Variants in ANO2 observed in about 807,000 individuals in gnomAD.
ANO2 encodes anoctamin-2.
ANO2 carries 101 observed loss-of-function variants against 124.2 expected under a neutral mutation model. The ratio of observed to expected loss-of-function variants is 0.81; its 90% CI spans 0.69 to 0.96. The LOEUF (loss-of-function observed/expected upper bound fraction) is 0.96, where lower values mean the gene tolerates loss of function less well. ANO2 is among the 40% of genes least tolerant of loss of function. The probability of loss-of-function intolerance (pLI) is 0.00; values close to 1 mark genes in which losing one functional copy is unlikely to be tolerated. For synonymous variants in ANO2, 486 were observed against 482.5 expected (o/e 1.01, Z -0.09); for missense variants, 1,293 against 1,274.5 (o/e 1.01, Z -0.22).
chr12:5,574,905 C>T (rs966513750), intron 23 of ANO2, among the ~76,000 whole-genome samples: 1 of 152,182 alleles, frequency 6.6e-6, no homozygotes, highest in Non-Finnish European at 1.5e-5. Flanking sequence ...AATTCAACAA[C>T]CTTTTGGCTT....
chr12:5,583,239 GA>G (rs1565437247), intron 20 of ANO2, among the ~76,000 whole-genome samples: 1 of 152,230 alleles, frequency 6.6e-6, no homozygotes. Context: ...CATGAAGTAT[GA>G]ACACCTCTAC....
intron 4 of ANO2, among the ~76,000 whole-genome samples, chr12:5,846,952 G>T (rs189821603): frequency 1.3e-5 from 2 of 152,280 alleles, no homozygotes; most frequent in Admixed American, 1.3e-4. Context: ...CTAACAAAGA[G>T]GATTATTGAC....
chr12:5,824,013 A>C (rs1953884717), intron 7 of ANO2, among the ~76,000 whole-genome samples: 1 of 152,178 alleles, frequency 6.6e-6, no homozygotes, highest in Admixed American at 6.5e-5. Flanking sequence ...AGCGGCTGGA[A>C]CACAGGGCAG....
At chr12:5,642,937 C>T (rs936016561) in intron 15 of ANO2, among the ~76,000 whole-genome samples, 3 of 152,158 alleles carry the variant, frequency 2.0e-5, no homozygotes, top group Non-Finnish European at 4.4e-5. Context: ...ATGTGGCTGG[C>T]TCCTCCACCT....
chr12:5,839,020 C>T (rs1026013410), intron 4 of ANO2, among the ~76,000 whole-genome samples: 3 of 152,234 alleles, frequency 2.0e-5, no homozygotes, highest in African/African-American at 7.2e-5. Context: ...CTGCCTAAAA[C>T]AACCAAAACA....
intron 4 of ANO2, chr12:5,851,886 C>A: frequency 2.8e-6 from 2 of 717,546 alleles, no homozygotes; most frequent in Non-Finnish European, 5.1e-6. Flanking sequence ...TTTCCTGTGT[C>A]TCTAGGTTTC....
At position 5,778,555 on chromosome 12, in the gene ANO2, C is replaced by A. The variant is rs917949659; in HGVS notation, c.1055+20952G>T. ...TCCCCACATCTAACATATCTGAAAT[C>A]AAAATGCAATTCCAATAGATGGCAT... is the stretch of plus-strand genomic sequence containing the variant. On this transcript the variant is annotated intron_variant, in intron 10 of 24. Coordinates refer to ENST00000682330, the MANE Select transcript of ANO2 (RefSeq NM_001364791.2). Among the ~76,000 whole-genome samples the A allele has an allele frequency of 3.9e-5, 6 of 152,172 alleles. No homozygotes were observed. The East Asian group carries it at 9.6e-4, about 24-fold the overall frequency.
At chr12:5,791,655 G>A (rs542923029) in intron 10 of ANO2, among the ~76,000 whole-genome samples, 1 of 152,330 alleles carries the variant, frequency 6.6e-6, no homozygotes, top group Non-Finnish European at 1.5e-5. Context: ...TTCCAGATGA[G>A]CTTGCTCTGT....
intron 4 of ANO2, among the ~76,000 whole-genome samples, chr12:5,834,564 G>A (rs970577079): frequency 5.3e-5 from 8 of 152,180 alleles, no homozygotes; most frequent in African/African-American, 1.7e-4. Context: ...TTACCATTTT[G>A]TTCTTTAATA....
In ANO2 at chr12:5,914,153, T is replaced by C. The variant is rs189185984; in HGVS notation, c.534+6887A>G. Among the ~76,000 whole-genome samples, 150 of 151,946 alleles carry C rather than the reference T, an allele frequency of 9.9e-4. 1 individual carries two copies. The South Asian group carries it at 0.01, about 11-fold the overall frequency. ...AGGCGGAGGTTGCAGTGAGCCAAGA[T>C]TGCGCTACTGCACTCCAGCCTAGGT... is the stretch of plus-strand genomic sequence containing the variant. On this transcript the variant is annotated intron_variant, in intron 3 of 24. Coordinates refer to ENST00000682330, the MANE Select transcript of ANO2 (RefSeq NM_001364791.2).
intron 8 of ANO2, among the ~76,000 whole-genome samples, chr12:5,806,618 T>C (rs1466521477): frequency 6.6e-6 from 1 of 152,184 alleles, no homozygotes; most frequent in East Asian, 1.9e-4. Flanking sequence ...CCATGGAGCA[T>C]TTAGCTCAAG....
chr12:5,917,352 T>C (rs2136298477), intron 3 of ANO2, among the ~76,000 whole-genome samples: 2 of 46,670 alleles, frequency 4.3e-5, no homozygotes, highest in East Asian at 1.8e-3. Context: ...TATTTCATTG[T>C]ACATGCTAAG....
At chr12:5,943,277 TTGTGTGTGTGTGTGTGTG>T (rs138167836) in intron 1 of ANO2, among the ~76,000 whole-genome samples, 23 of 148,476 alleles carry the variant, frequency 1.5e-4, no homozygotes, top group African/African-American at 4.5e-4. Flanking sequence ...GAGTGTGTGT[TTGTGTGTGTGTGTGTGTG>T]TGTGTGTGTG....
At chr12:5,857,735 TA>T (rs1955142782) in intron 3 of ANO2, among the ~76,000 whole-genome samples, 1 of 151,964 alleles carries the variant, frequency 6.6e-6, no homozygotes, top group Admixed American at 6.6e-5. Flanking sequence ...TGAATCAACC[TA>T]AATGTCCATC....
At chr12:5,686,289 C>T (rs1439166586) in intron 14 of ANO2, among the ~76,000 whole-genome samples, 1 of 152,198 alleles carries the variant, frequency 6.6e-6, no homozygotes, top group Admixed American at 6.5e-5. Flanking sequence ...TTTCTTTAAC[C>T]CCTATTTTCT....
intron 3 of ANO2, among the ~76,000 whole-genome samples, chr12:5,898,122 GA>G (rs1298345165): frequency 6.6e-6 from 1 of 151,702 alleles, no homozygotes; most frequent in Admixed American, 6.6e-5. Context: ...CAAATGGCTG[GA>G]AAAAAAATAT....
chr12:5,705,925 A>G (rs1412773787), intron 14 of ANO2, among the ~76,000 whole-genome samples: 4 of 152,192 alleles, frequency 2.6e-5, no homozygotes, highest in Non-Finnish European at 4.4e-5. Context: ...CAGGTCGACA[A>G]GGTTCACAAA....
At chr12:5,582,870 G>A (rs1942830258) in intron 20 of ANO2, among the ~76,000 whole-genome samples, 1 of 151,954 alleles carries the variant, frequency 6.6e-6, no homozygotes, top group South Asian at 2.1e-4. Flanking sequence ...CTCAAACTTC[G>A]CCTTCTGTAT....
chr12:5,926,320 G>A (rs966476786), intron 1 of ANO2, among the ~76,000 whole-genome samples: 2 of 152,156 alleles, frequency 1.3e-5, no homozygotes, highest in African/African-American at 2.4e-5. Flanking sequence ...CCTCCTAACA[G>A]ATCTCCCTGC....
Sources: gnomAD v4.1 joint callset for allele counts (sites outside exome capture counted in the v4.1 genomes callset) on GRCh38, gnomAD v4.1.1 for gene constraint, MANE v1.5 for transcripts, NCBI Gene and HGNC (gene_info 2026-07-23, HGNC 2026-07-21) for gene names.